PLSCR1: variants seen among roughly 807,000 people sequenced by gnomAD.
PLSCR1 encodes phospholipid scramblase 1.
A neutral mutation model predicts 37.8 loss-of-function variants in PLSCR1; 17 were observed. The ratio of observed to expected loss-of-function variants is 0.45; its 90% CI spans 0.31 to 0.68. The LOEUF is 0.68. Among genes scored for constraint, PLSCR1 ranks in the 30% least tolerant of loss-of-function variants. The probability of loss-of-function intolerance (pLI) is 0.06; values close to 1 mark genes in which losing one functional copy is unlikely to be tolerated. For missense variants in PLSCR1, 347 were observed against 380.9 expected (o/e 0.91, Z 0.74); for synonymous variants, 116 against 125.9 (o/e 0.92, Z 0.53).
chr3:146,521,275 G>T (rs1263757742), intron 7 of PLSCR1, among the ~76,000 whole-genome samples: 2 of 152,126 alleles, frequency 1.3e-5, no homozygotes. Flanking sequence ...TCATCACATA[G>T]AAACCACCAC....
chr3:146,540,599 C>CAGATTTGG (rs2044326437), intron 1 of PLSCR1, among the ~76,000 whole-genome samples: 1 of 152,076 alleles, frequency 6.6e-6, no homozygotes, highest in Non-Finnish European at 1.5e-5. Flanking sequence ...TTACCCACAC[C>CAGATTTGG]AGATTTGGAT....
Position 146,544,552 on chromosome 3 carries a change from G to A in PLSCR1, c.-99C>T, listed in dbSNP as rs1426052420. 1 of 152,430 alleles carries A rather than the reference G, an allele frequency of 6.6e-6. No homozygotes were observed. The highest frequency in any genetic ancestry group is 2.4e-5 in the African/African-American group (1 of 41,468). The allele number at this position is 152,430 out of a possible 1,614,324, so 9.4% of individuals were successfully genotyped here. ...GATGGCTTCCTCTTCTGCGCCTCTA[G>A]ACTGCCGGGCACAGCTGCTGCGCAA... On this transcript the variant is annotated 5_prime_UTR_variant, in exon 1 of 9. Coordinates refer to ENST00000342435, the MANE Select transcript of PLSCR1 (RefSeq NM_021105.3).
chr3:146,543,346 A>G (rs752620083), intron 1 of PLSCR1, among the ~76,000 whole-genome samples: 1 of 151,088 alleles, frequency 6.6e-6, no homozygotes, highest in Non-Finnish European at 1.5e-5. Flanking sequence ...TTTCTATCCA[A>G]TTGCATAAAT....
rs774960882 is a variant in PLSCR1, at chr3:146,517,123, C to A, written c.783G>T (p.Lys261Asn). 3 of 1,592,632 alleles carry A rather than the reference C, an allele frequency of 1.9e-6. No homozygotes were observed. Among genetic ancestry groups the A allele is most frequent in the Non-Finnish European group, 8.5e-7 (1 of 1,170,264 alleles). The change falls in exon 8 of 9, where the codon AAG (lysine) becomes AAT (asparagine). Residue 261 changes from lysine to asparagine, a missense_variant. By Grantham distance (94) the Lys-to-Asn change is moderately conservative. Coordinates refer to ENST00000342435, the MANE Select transcript of PLSCR1 (RefSeq NM_021105.3). ...CCTCTCTCAAAATTCCAGTCCAGTG[C>A]TTGGAAATTTTGCCAACCACACACT... ...DEQCVVGKIS[K>N]HWTGILREAF... is the part of the protein sequence containing the mutation.
intron 1 of PLSCR1, among the ~76,000 whole-genome samples, chr3:146,542,698 G>T (rs562499293): frequency 3.9e-5 from 6 of 152,210 alleles, no homozygotes; most frequent in South Asian, 2.1e-4. Flanking sequence ...AAGTGTTTTG[G>T]TTTTTTAATT....
intron 2 of PLSCR1, 53 bp from the exon 3 acceptor site, chr3:146,533,603 G>T: frequency 9.6e-7 from 1 of 1,037,680 alleles, no homozygotes; most frequent in Non-Finnish European, 1.5e-6. Context: ...ATATATATTA[G>T]AAAGAAACAA....
intron 4 of PLSCR1, among the ~76,000 whole-genome samples, chr3:146,526,398 T>C (rs2044117043): frequency 6.6e-6 from 1 of 152,044 alleles, no homozygotes. Flanking sequence ...GGGAAATCTG[T>C]TGGTGGGAAA....
At chr3:146,527,686 A>G (rs1249553477) in intron 4 of PLSCR1, among the ~76,000 whole-genome samples, 1 of 152,194 alleles carries the variant, frequency 6.6e-6, no homozygotes, top group Non-Finnish European at 1.5e-5. Context: ...TATTTCTTGC[A>G]TAATATAATA....
chr3:146,538,659 A>G (rs2587019), intron 1 of PLSCR1, among the ~76,000 whole-genome samples: 6 of 152,216 alleles, frequency 3.9e-5, no homozygotes, highest in Non-Finnish European at 8.8e-5. Context: ...AATAATGTCT[A>G]AGGGCAAATC....
At chr3:146,526,097 C>T (rs953955141) in intron 4 of PLSCR1, among the ~76,000 whole-genome samples, 2 of 146,992 alleles carry the variant, frequency 1.4e-5, no homozygotes. Context: ...GCAGGAGAAT[C>T]GCCTGAACCC....
chr3:146,542,336 G>A (rs957719418), intron 1 of PLSCR1, among the ~76,000 whole-genome samples: 1 of 152,030 alleles, frequency 6.6e-6, no homozygotes, highest in Non-Finnish European at 1.5e-5. Flanking sequence ...ACTTCCCTCA[G>A]CTCTCAATCT....
At chr3:146,523,021 C>A (rs2044052150) in intron 5 of PLSCR1, among the ~76,000 whole-genome samples, 1 of 152,228 alleles carries the variant, frequency 6.6e-6, no homozygotes, top group African/African-American at 2.4e-5. Flanking sequence ...CCTGCCACAT[C>A]CCCCTCTCCG....
intron 8 of PLSCR1, chr3:146,516,581 T>C (rs1560077920): frequency 5.9e-6 from 1 of 168,598 alleles, no homozygotes; most frequent in Non-Finnish European, 1.3e-5. Flanking sequence ...TCTACACACT[T>C]GAGTGAATGT....
intron 3 of PLSCR1, among the ~76,000 whole-genome samples, chr3:146,533,019 C>T (rs1426034866): frequency 2.6e-5 from 4 of 152,136 alleles, no homozygotes; most frequent in East Asian, 3.9e-4. Context: ...AGCAGTCTTA[C>T]TATTTTGATG....
At chr3:146,516,698 T>C (rs1262181914) in intron 8 of PLSCR1, 1 of 207,604 alleles carries the variant, frequency 4.8e-6, no homozygotes, top group East Asian at 1.2e-4. Context: ...ATATGCCTAC[T>C]TTCAACTTCT....
At chr3:146,522,621 T>C (rs545801832) in intron 5 of PLSCR1, among the ~76,000 whole-genome samples, 2 of 152,212 alleles carry the variant, frequency 1.3e-5, no homozygotes, top group African/African-American at 4.8e-5. Context: ...CATGTGATAG[T>C]CTGAAATATG....
At chr3:146,533,339 T>TA (rs1259875605) in intron 3 of PLSCR1, 131 bp downstream of exon 3, 2 of 454,976 alleles carry the variant, frequency 4.4e-6, no homozygotes, top group Admixed American at 3.6e-5. Context: ...AATATAATTT[T>TA]AAAAAAAGAA....
chr3:146,541,485 T>A (rs2044337757), intron 1 of PLSCR1, among the ~76,000 whole-genome samples: 1 of 152,184 alleles, frequency 6.6e-6, no homozygotes, highest in African/African-American at 2.4e-5. Flanking sequence ...GAAATAAAAG[T>A]GATTTTAATA....
At position 146,521,629 on chromosome 3, in the gene PLSCR1, G is replaced by A. The variant is rs113499115; in HGVS notation, c.653C>T (p.Thr218Ile). The A allele has an allele frequency of 7.4e-5, 119 of 1,613,540 alleles. No homozygotes were observed. The African/African-American group carries it at 1.0e-3, about 14-fold the overall frequency. Residue 218 changes from threonine (T) to isoleucine (I), a missense_variant, in exon 7 of 9, where the codon ACA becomes ATA. Coordinates refer to ENST00000342435, the MANE Select transcript of PLSCR1 (RefSeq NM_021105.3). ...ATCCTCTCTTTTCTCATTTTGAATT[G>A]TAAACTTTGGTAGACATGGGTGCCA... ...QTWHPCLPKFTIQNEKREDVL... is the reference protein window; with the variant it reads ...QTWHPCLPKFIIQNEKREDVL...
Sources: gnomAD v4.1 joint callset for allele counts (sites outside exome capture counted in the v4.1 genomes callset) on GRCh38, gnomAD v4.1.1 for gene constraint, MANE v1.5 for transcripts, NCBI Gene and HGNC (gene_info 2026-07-23, HGNC 2026-07-21) for gene names.